Variants in PTPRN2 observed in about 807,000 individuals in gnomAD.
PTPRN2 encodes protein tyrosine phosphatase receptor type N2.
A neutral mutation model predicts 118.8 loss-of-function variants in PTPRN2; 74 were observed. The observed-to-expected ratio is 0.62, with a 90% CI of 0.52 to 0.76. PTPRN2 has a LOEUF of 0.76. PTPRN2 is among the 30% of genes least tolerant of loss of function. PTPRN2 has a pLI of 0.00. For missense variants in PTPRN2, 1,481 were observed against 1,394.4 expected, an observed-to-expected ratio of 1.06 and a Z score of -0.99; for synonymous variants, 641 against 608.0, an observed-to-expected ratio of 1.05 and a Z score of -0.80.
chr7:158,451,325 C>CT (rs1818083877), intron 2 of PTPRN2, among the ~76,000 whole-genome samples: 1 of 152,040 alleles, frequency 6.6e-6, no homozygotes. Flanking sequence ...TTTACGGTGT[C>CT]TTTTTTACTA....
At chr7:157,921,449 C>A (rs1351573379) in intron 11 of PTPRN2, among the ~76,000 whole-genome samples, 2 of 152,186 alleles carry the variant, frequency 1.3e-5, no homozygotes, top group African/African-American at 4.8e-5. Context: ...TACCATCCTG[C>A]TGTGGCTCAA....
intron 2 of PTPRN2, among the ~76,000 whole-genome samples, chr7:158,333,956 C>G (rs1805054920): frequency 1.7e-5 from 1 of 57,312 alleles, no homozygotes; most frequent in Non-Finnish European, 3.4e-5. Context: ...CCGCAGAGGT[C>G]ACTCACACCC....
rs11974296 is a variant in PTPRN2 at position 158,581,515 on chromosome 7, C to T, written c.112+6043G>A. On this transcript the variant is annotated intron_variant, in intron 1 of 22. Coordinates refer to ENST00000389418, the MANE Select transcript of PTPRN2 (RefSeq NM_002847.5). ...ACACAGTACACCAAAAAAGAAAAGT[C>T]CATTTTACTTTATGATAATTTAAAA... Among the ~76,000 whole-genome samples, 1,137 of 151,952 alleles carry T rather than the reference C, an allele frequency of 7.5e-3. 12 individuals carry two copies. The highest frequency in any genetic ancestry group is 0.026 in the African/African-American group (1,076 of 41,328).
chr7:157,612,298 A>G (rs1802402864), intron 15 of PTPRN2, among the ~76,000 whole-genome samples: 1 of 152,158 alleles, frequency 6.6e-6, no homozygotes, highest in African/African-American at 2.4e-5. Context: ...AGGAGCACAG[A>G]TATCAGACAG....
chr7:157,839,996 G>T (rs571029155), intron 12 of PTPRN2, among the ~76,000 whole-genome samples: 1 of 150,064 alleles, frequency 6.7e-6, no homozygotes, highest in Non-Finnish European at 1.5e-5. Flanking sequence ...CTGTGTGGCC[G>T]TGTGTGACTG....
chr7:158,269,933 TAGAGAGACAC>T (rs1798197159), intron 3 of PTPRN2, among the ~76,000 whole-genome samples: 2 of 148,538 alleles, frequency 1.3e-5, no homozygotes, highest in African/African-American at 2.5e-5. Context: ...GAGACAGAGA[TAGAGAGACAC>T]AGGGAGACAG....
At chr7:158,569,448 C>G (rs1158509131) in intron 1 of PTPRN2, among the ~76,000 whole-genome samples, 4 of 152,260 alleles carry the variant, frequency 2.6e-5, no homozygotes, top group Non-Finnish European at 5.9e-5. Context: ...CTGACACCCT[C>G]CCCGGGACGT....
intron 12 of PTPRN2, among the ~76,000 whole-genome samples, chr7:157,741,166 C>T (rs62476404): frequency 0.14 from 20,996 of 152,218 alleles, 1,668 homozygotes; most frequent in Non-Finnish European, 0.18. Flanking sequence ...TGTCCACCAG[C>T]CCTATGGAAA....
intron 10 of PTPRN2, among the ~76,000 whole-genome samples, chr7:158,102,716 A>G (rs1019929046): frequency 6.6e-6 from 1 of 152,090 alleles, no homozygotes; most frequent in African/African-American, 2.4e-5. Flanking sequence ...TCAAGGACTC[A>G]TTGCATCACG....
At chr7:158,370,353 T>C (rs1809876862) in intron 2 of PTPRN2, among the ~76,000 whole-genome samples, 1 of 151,854 alleles carries the variant, frequency 6.6e-6, no homozygotes, top group Non-Finnish European at 1.5e-5. Flanking sequence ...GGAGAATTGC[T>C]TGAACCTGGG....
chr7:157,997,239 T>C (rs1487637203), intron 11 of PTPRN2, among the ~76,000 whole-genome samples: 1 of 152,170 alleles, frequency 6.6e-6, no homozygotes, highest in African/African-American at 2.4e-5. Flanking sequence ...TCTGTGTCTG[T>C]GGAGCAACTG....
intron 1 of PTPRN2, among the ~76,000 whole-genome samples, chr7:158,505,895 G>C (rs1467069870): frequency 6.6e-6 from 1 of 152,220 alleles, no homozygotes; most frequent in Non-Finnish European, 1.5e-5. Flanking sequence ...AATCCCAAGT[G>C]GTGGCTGTTA....
chr7:157,867,446 C>T (rs1810772265), intron 12 of PTPRN2, among the ~76,000 whole-genome samples: 1 of 134,718 alleles, frequency 7.4e-6, no homozygotes, highest in Non-Finnish European at 1.6e-5. Flanking sequence ...ACCACCCCGC[C>T]CCTGACGCTC....
chr7:157,892,572 T>C (rs1796869766), intron 12 of PTPRN2, among the ~76,000 whole-genome samples: 1 of 152,206 alleles, frequency 6.6e-6, no homozygotes, highest in Non-Finnish European at 1.5e-5. Context: ...GGGAGAGATT[T>C]AGTAAATGCT....
At chr7:157,922,786 A>G (rs770780750) in intron 11 of PTPRN2, among the ~76,000 whole-genome samples, 3 of 148,720 alleles carry the variant, frequency 2.0e-5, no homozygotes, top group Non-Finnish European at 4.4e-5. Flanking sequence ...TTGGGAAAAT[A>G]CTTTCAATAT....
intron 3 of PTPRN2, among the ~76,000 whole-genome samples, chr7:158,310,419 A>T (rs963053014): frequency 6.6e-6 from 1 of 152,228 alleles, no homozygotes; most frequent in African/African-American, 2.4e-5. Context: ...CGGACGGTGG[A>T]GAAGAGGCTG....
chr7:158,403,679 C>A (rs768643153), intron 2 of PTPRN2, among the ~76,000 whole-genome samples: 2 of 152,162 alleles, frequency 1.3e-5, no homozygotes, highest in Non-Finnish European at 2.9e-5. Flanking sequence ...GCCGGGACTG[C>A]GAGTGCCTGG....
At chr7:158,391,982 G>A (rs1811964403) in intron 2 of PTPRN2, among the ~76,000 whole-genome samples, 1 of 152,238 alleles carries the variant, frequency 6.6e-6, no homozygotes, top group African/African-American at 2.4e-5. Flanking sequence ...AGGCCCCCAG[G>A]GTGGCTTCAG....
intron 2 of PTPRN2, among the ~76,000 whole-genome samples, chr7:158,436,833 A>C (rs900867453): frequency 5.3e-4 from 81 of 152,040 alleles, no homozygotes; most frequent in Non-Finnish European, 1.0e-3. Context: ...TTTCTCTTAA[A>C]CTTTGGTTTT....
Sources: gnomAD v4.1 joint callset for allele counts (sites outside exome capture counted in the v4.1 genomes callset) on GRCh38, gnomAD v4.1.1 for gene constraint, MANE v1.5 for transcripts, NCBI Gene and HGNC (gene_info 2026-07-23, HGNC 2026-07-21) for gene names.